GAPVD1: variants seen among roughly 807,000 people sequenced by gnomAD.
GAPVD1 encodes GTPase-activating protein and VPS9 domain-containing protein 1.
GAPVD1 carries 35 observed loss-of-function variants against 155.5 expected under a neutral mutation model. The observed-to-expected ratio is 0.23, with a 90% CI of 0.17 to 0.30. The LOEUF is 0.30. GAPVD1 is among the 10% of genes least tolerant of loss of function. The probability of loss-of-function intolerance (pLI) is 1.00; values close to 1 mark genes in which losing one functional copy is unlikely to be tolerated. For missense variants in GAPVD1, 1,429 were observed against 1,775.7 expected (o/e 0.80, Z 3.51); for synonymous variants, 636 against 619.7 (o/e 1.03, Z -0.39).
intron 15 of GAPVD1, chr9:125,335,105 C>T: frequency 1.5e-6 from 1 of 670,782 alleles, no homozygotes; most frequent in Non-Finnish European, 2.7e-6. Context: ...AGAATAATAT[C>T]CACAATTTTC....
In GAPVD1 at chr9:125,357,289, G is replaced by T. The variant is rs79534484; in HGVS notation, c.3971+1432G>T. ...TGCTCATTATATATTTATTAAGAAT[G>T]AACAGTTGGTCGGGCTTCATGGCTC... On this transcript the variant is annotated intron_variant, in intron 25 of 27. Coordinates refer to ENST00000297933, the MANE Select transcript of GAPVD1 (RefSeq NM_001282680.3). 3.9e-5 allele frequency among the ~76,000 whole-genome samples: 6 copies of T among 152,274 alleles called. No homozygotes were observed. In the East Asian group the frequency reaches 1.2e-3, roughly 29 times the overall value.
intron 4 of GAPVD1, 51 bp from the exon 5 acceptor site, chr9:125,301,926 GTTATTA>G (rs1840951638): frequency 2.3e-6 from 3 of 1,277,210 alleles, no homozygotes; most frequent in Admixed American, 4.8e-5. Flanking sequence ...TAGTATATGT[GTTATTA>G]TTATTAATAC....
rs769291171 is a variant in GAPVD1 at position 125,302,328 on chromosome 9, C to T, written c.531C>T (p.Ala177=). 5.0e-6 allele frequency: 8 copies of T among 1,613,860 alleles called. No homozygotes were observed. Among genetic ancestry groups the T allele is most frequent in the Non-Finnish European group, 5.9e-6 (7 of 1,179,894 alleles). Residue 177 remains alanine, a synonymous_variant, in exon 5 of 28, where the codon GCC becomes GCT. Coordinates refer to ENST00000297933, the MANE Select transcript of GAPVD1 (RefSeq NM_001282680.3). ...GACTTTTGAGGAGAGGAACTTGTGC[C>T]TTCAGCATCTTATTTAAACTTTTTT... ...PRRLLRRGTC[A]FSILFKLFSE...
chr9:125,314,111 A>G (rs1009154342), intron 9 of GAPVD1, among the ~76,000 whole-genome samples: 4 of 152,096 alleles, frequency 2.6e-5, no homozygotes, highest in African/African-American at 9.7e-5. Flanking sequence ...AATTAAAGAG[A>G]CTTTTCCAGT....
chr9:125,277,748 C>T (rs1836025101), intron 2 of GAPVD1, among the ~76,000 whole-genome samples: 1 of 150,574 alleles, frequency 6.6e-6, no homozygotes, highest in South Asian at 2.1e-4. Context: ...CAGCTTACTG[C>T]AGCCTTGACC....
chr9:125,293,799 A>C (rs1238668960), intron 2 of GAPVD1, among the ~76,000 whole-genome samples: 3 of 127,952 alleles, frequency 2.3e-5, no homozygotes, highest in Non-Finnish European at 4.8e-5. Flanking sequence ...AATATATAAA[A>C]ATTTTTATAT....
chr9:125,301,260 G>T (rs1588771944), intron 4 of GAPVD1, among the ~76,000 whole-genome samples: 1 of 151,928 alleles, frequency 6.6e-6, no homozygotes, highest in African/African-American at 2.4e-5. Flanking sequence ...TGTAGAGATG[G>T]GGTTTCACCA....
chr9:125,352,803 T>C lies in GAPVD1; in HGVS notation c.3570-1851T>C, dbSNP rs186509539. On this transcript the variant is annotated intron_variant, in intron 23 of 27. Transcript: ENST00000297933. ...AAAGTTTCTGAACGTTTATGCTCTGTTTCCCTTATAAAACTGTATGCTGGC... is the reference window on the plus strand; with the variant it reads ...AAAGTTTCTGAACGTTTATGCTCTGCTTCCCTTATAAAACTGTATGCTGGC... 2.1e-4 allele frequency among the ~76,000 whole-genome samples: 32 copies of C among 152,286 alleles called. No individual in the cohort carries two copies. The East Asian group carries it at 5.4e-3, about 26-fold the overall frequency.
At chr9:125,279,792 G>C (rs1216014089) in intron 2 of GAPVD1, among the ~76,000 whole-genome samples, 2 of 146,486 alleles carry the variant, frequency 1.4e-5, no homozygotes, top group African/African-American at 5.0e-5. Flanking sequence ...ACGGAGTCTT[G>C]GTGCGATGTT....
chr9:125,347,859 C>T (rs1266478625), intron 20 of GAPVD1, among the ~76,000 whole-genome samples: 2 of 152,122 alleles, frequency 1.3e-5, no homozygotes, highest in African/African-American at 4.8e-5. Context: ...TAGGAAGCCT[C>T]AGAGGGAGAG....
At chr9:125,350,937 C>A in intron 23 of GAPVD1, 65 bp downstream of exon 23, 1 of 1,278,900 alleles carries the variant, frequency 7.8e-7, no homozygotes, top group Non-Finnish European at 1.1e-6. Flanking sequence ...TCTTTTTTAT[C>A]CTTATTTCAG....
intron 1 of GAPVD1, among the ~76,000 whole-genome samples, chr9:125,268,290 C>A (rs1834311914): frequency 6.6e-6 from 1 of 151,392 alleles, no homozygotes; most frequent in South Asian, 2.1e-4. Flanking sequence ...GCAGCTGGCT[C>A]CACTGAGGGT....
intron 2 of GAPVD1, among the ~76,000 whole-genome samples, chr9:125,294,652 G>GT (rs34715258): frequency 0.4 from 54,158 of 134,980 alleles, 10,654 homozygotes; most frequent in Middle Eastern, 0.47. Flanking sequence ...AGCTAAAATG[G>GT]TTTTTTTTTT....
At chr9:125,298,025 C>T (rs1299250744) in intron 3 of GAPVD1, among the ~76,000 whole-genome samples, 4 of 152,060 alleles carry the variant, frequency 2.6e-5, no homozygotes, top group South Asian at 2.1e-4. Context: ...GGATTACATG[C>T]GTGAGCCACC....
chr9:125,359,560 TACC>T (rs1850628151), intron 26 of GAPVD1, 68 bp downstream of exon 26: 1 of 797,690 alleles, frequency 1.3e-6, no homozygotes, highest in South Asian at 1.4e-5. Flanking sequence ...CATATAATGT[TACC>T]ACGTGTTCAA....
Position 125,337,399 on chromosome 9 carries a change from G to A in GAPVD1, c.2685G>A (p.Glu895=), listed in dbSNP as rs1219638197. 6 of 1,614,012 alleles carry A rather than the reference G, an allele frequency of 3.7e-6. No homozygotes were observed. In the East Asian group the frequency reaches 6.7e-5, roughly 18 times the overall value. ...TCAAGCAAAGGCATTCTTACCCTGA[G>A]AGACTAGTTCGAAGCAGGAGCTCTG... The part of the protein sequence containing the change: ...EAFKQRHSYP[E]RLVRSRSSDI... Residue 895 remains glutamate (E), a synonymous_variant, in exon 17 of 28, where the codon GAG becomes GAA. Coordinates refer to ENST00000297933, the MANE Select transcript of GAPVD1 (RefSeq NM_001282680.3).
At chr9:125,316,421 C>T (rs1843433512) in intron 9 of GAPVD1, among the ~76,000 whole-genome samples, 1 of 152,058 alleles carries the variant, frequency 6.6e-6, no homozygotes. Flanking sequence ...TGAGGGAGAA[C>T]ATGCGGTGTT....
In GAPVD1 at chr9:125,263,967, T is replaced by C. The variant is rs946718648; in HGVS notation, c.-199+2008T>C. ...TGAGACTTGAGAGACTGCATGGCCT[T>C]CATGACATGAAGGTTGGGCACGTTC... On this transcript the variant is annotated intron_variant, in intron 1 of 27. Transcript: ENST00000297933. The C allele has an allele frequency of 2.9e-6, 4 of 1,399,036 alleles. No homozygotes were observed. The Admixed American group carries it at 6.7e-5, about 23-fold the overall frequency. 86.7% of individuals were successfully genotyped at this position (1,399,036 alleles called of 1,614,324 possible).
At chr9:125,354,488 C>A (rs764661592) in intron 23 of GAPVD1, among the ~76,000 whole-genome samples, 166 bp from the exon 24 acceptor site, 1 of 152,166 alleles carries the variant, frequency 6.6e-6, no homozygotes, top group Non-Finnish European at 1.5e-5. Flanking sequence ...ATGTCTGCAG[C>A]CTGACATGCT....
Sources: allele counts gnomAD v4.1 joint callset (sites outside exome capture counted in the v4.1 genomes callset), GRCh38; gene constraint gnomAD v4.1.1; transcripts MANE v1.5; gene names NCBI Gene and HGNC (gene_info 2026-07-23, HGNC 2026-07-21).